Variants in PWWP3A observed in about 807,000 individuals in gnomAD.
The protein encoded by PWWP3A is PWWP domain-containing DNA repair factor 3A.
In PWWP3A, 53 loss-of-function variants were observed where a neutral mutation model predicts 79.0. That is an observed-to-expected ratio of 0.67 (90% CI 0.54 to 0.84). PWWP3A has a LOEUF of 0.84. Ranked by LOEUF, PWWP3A falls within the 40% of genes least tolerant of loss-of-function variation. The pLI is 0.00. For synonymous variants in PWWP3A, 443 were observed against 394.4 expected, an observed-to-expected ratio of 1.12 and a Z score of -1.46; for missense variants, 973 against 948.0, an observed-to-expected ratio of 1.03 and a Z score of -0.35.
chr19:1,357,966 G>T (rs762026967), intron 3 of PWWP3A: 1 of 165,244 alleles, frequency 6.1e-6, no homozygotes, highest in Non-Finnish European at 1.3e-5. Flanking sequence ...CTTTCCCTGC[G>T]GCTGGGAAGG....
chr19:1,375,378 T>A lies in PWWP3A; in HGVS notation c.2076-1141T>A, dbSNP rs556431990. On this transcript the variant is annotated intron_variant, in intron 13 of 13. Transcript: ENST00000591337. Reference sequence around the variant, plus strand: ...TTTCCAAACTACAGCTCTGTCCCCATCAAACAACTGCCCTCTCATATATAT... The same window carrying A: ...TTTCCAAACTACAGCTCTGTCCCCAACAAACAACTGCCCTCTCATATATAT... Among the ~76,000 whole-genome samples the A allele has an allele frequency of 3.2e-4, 46 of 143,840 alleles. 1 individual carries two copies. In the East Asian group the frequency reaches 8.7e-3, roughly 27 times the overall value. The allele number at this position is 143,840 out of a possible 152,430, so 94.4% of individuals were successfully genotyped here. A position where few individuals can be genotyped will look rare whatever the true frequency, so the allele number is the denominator to read the frequency against.
chr19:1,357,893 C>T (rs545105089), intron 3 of PWWP3A: 1 of 160,990 alleles, frequency 6.2e-6, no homozygotes, highest in African/African-American at 2.4e-5. Flanking sequence ...CTCCCCCTGC[C>T]CCACTCCCTC....
chr19:1,370,823 G>T lies in PWWP3A; in HGVS notation c.1731G>T (p.Glu577Asp). 1.9e-6 allele frequency: 3 copies of T among 1,572,478 alleles called. No individual in the cohort carries two copies. Among genetic ancestry groups the T allele is most frequent in the Non-Finnish European group, 1.7e-6 (2 of 1,158,958 alleles). The change falls in exon 12 of 14, where the codon GAG becomes GAT. Residue 577 changes from glutamate (E) to aspartate (D), a missense_variant. Coordinates refer to ENST00000591337, the MANE Select transcript of PWWP3A (RefSeq NM_001369789.1). ...ARDRANQKLV[E>D]YIVKAKGAES... ...ACCGGGCCAACCAGAAGCTGGTGGAGTACATTGTGAAGGCCAAGGGCGCGG... is the reference window on the plus strand; with the variant it reads ...ACCGGGCCAACCAGAAGCTGGTGGATTACATTGTGAAGGCCAAGGGCGCGG...
intron 6 of PWWP3A, among the ~76,000 whole-genome samples, chr19:1,363,208 C>T (rs548385823): frequency 1.3e-5 from 2 of 152,212 alleles, no homozygotes; most frequent in East Asian, 1.9e-4. Flanking sequence ...CTTGTTATGT[C>T]GTTCTTTTTT....
chr19:1,359,718 A>G (rs2081967152), intron 4 of PWWP3A: 1 of 155,930 alleles, frequency 6.4e-6, no homozygotes. Flanking sequence ...CAACCCCTGC[A>G]CCAACCAAGA....
chr19:1,364,419 G>C, intron 6 of PWWP3A, 90 bp from the exon 7 acceptor site: 1 of 912,766 alleles, frequency 1.1e-6, no homozygotes, highest in South Asian at 1.5e-5. Flanking sequence ...CGTGCTAACT[G>C]TGTTTTCTCA....
At position 1,368,807 on chromosome 19, in the gene PWWP3A, T is replaced by A. The variant is rs7250057; in HGVS notation, c.1423-458T>A. ...TGTGGCACAGTGGCCACAGGGGAGG[T>A]GTTTGCACCGTCGATGCGTTCAGAC... On this transcript the variant is annotated intron_variant, in intron 9 of 13. Transcript: ENST00000591337. This position sits in a 1 kb window ranked among gnomAD's most constrained non-coding sequence, Gnocchi z 4.7. Among the ~76,000 whole-genome samples, 134 of 151,978 alleles carry A rather than the reference T, an allele frequency of 8.8e-4. No homozygotes were observed. Among genetic ancestry groups the A allele is most frequent in the Non-Finnish European group, 1.8e-3 (123 of 67,948 alleles).
intron 5 of PWWP3A, chr19:1,361,982 G>C (rs1375980624): frequency 3.0e-6 from 1 of 329,854 alleles, no homozygotes. Flanking sequence ...TTCTGTGGCC[G>C]AGGTGGCTGC....
Position 1,371,084 on chromosome 19 carries a change from C to A in PWWP3A, c.1986+6C>A. On this transcript the variant is annotated splice_donor_region_variant and intron_variant, in intron 12 of 13. Coordinates refer to ENST00000591337, the MANE Select transcript of PWWP3A (RefSeq NM_001369789.1). ...TGGACGTGCTTCTGCCCGAGGTGAGCCGCGGACCGGCGTGTCACGTGGGCA... is the reference window on the plus strand; with the variant it reads ...TGGACGTGCTTCTGCCCGAGGTGAGACGCGGACCGGCGTGTCACGTGGGCA... 1 of 1,555,462 alleles carries A rather than the reference C, an allele frequency of 6.4e-7. No homozygotes were observed. The highest frequency in any genetic ancestry group is 1.9e-5 in the Admixed American group (1 of 51,814).
intron 7 of PWWP3A, 52 bp downstream of exon 7, chr19:1,364,631 A>G: frequency 7.8e-7 from 1 of 1,279,320 alleles, no homozygotes; most frequent in Non-Finnish European, 1.1e-6. Context: ...AATTTCATGA[A>G]TTTTTATTCC....
chr19:1,376,122 CTTT>C (rs764962400), intron 13 of PWWP3A, among the ~76,000 whole-genome samples: 12 of 107,642 alleles, frequency 1.1e-4, no homozygotes, highest in Non-Finnish European at 1.9e-4. Context: ...CTGTCATACT[CTTT>C]TTTTTTTTTT....
In PWWP3A at chr19:1,360,599, C is replaced by G. The variant is rs1208379769; in HGVS notation, c.678C>G (p.Ser226Arg). The G allele has an allele frequency of 6.2e-7, 1 of 1,614,176 alleles. No homozygotes were observed. The highest frequency in any genetic ancestry group is 8.5e-7 in the Non-Finnish European group (1 of 1,180,012). Reference sequence around the variant, plus strand: ...GAGGAAACTCAGCGCAGAAGGCTAGCTTGTGCCTGAATGGATCTTCCCTTT... The same window carrying G: ...GAGGAAACTCAGCGCAGAAGGCTAGGTTGTGCCTGAATGGATCTTCCCTTT... ...KRGGNSAQKA[S>R]LCLNGSSLSE... is the part of the protein sequence containing the mutation. Residue 226 changes from serine (S) to arginine (R), a missense_variant, in exon 5 of 14, where the codon AGC becomes AGG. Ser to Arg is a moderately radical substitution (Grantham distance 110). Transcript: ENST00000591337. The surrounding 1 kb of genome is among the most constrained non-coding windows in gnomAD (Gnocchi z 4.4).
chr19:1,364,195 A>G (rs370985767), intron 6 of PWWP3A: 180 of 564,036 alleles, frequency 3.2e-4, no homozygotes, highest in Non-Finnish European at 5.5e-4. Flanking sequence ...TCGCGCACAC[A>G]TAGGACAGAG....
intron 2 of PWWP3A, 136 bp downstream of exon 2, chr19:1,356,585 C>A: frequency 2.5e-6 from 2 of 787,434 alleles, no homozygotes; most frequent in South Asian, 1.8e-5. Flanking sequence ...GATTCTCGTT[C>A]CCCATTTAAT....
chr19:1,378,276 T>C lies in PWWP3A; in HGVS notation c.*1700T>C, dbSNP rs2082441240. 1 of 152,264 alleles carries C rather than the reference T, an allele frequency of 6.6e-6. No individual in the cohort carries two copies. Among genetic ancestry groups the C allele is most frequent in the African/African-American group, 2.4e-5 (1 of 41,464 alleles). The allele number at this position is 152,264 out of a possible 1,614,324, so 9.4% of individuals were successfully genotyped here. ...AAAATCCTCCGGAGCCGCCCTCCAT[T>C]GTGGGTTCCTGAGAGTAGGACACAT... On this transcript the variant is annotated 3_prime_UTR_variant, in exon 14 of 14. Transcript: ENST00000591337.
rs1227492510 is a variant in PWWP3A, at chr19:1,360,688, C to T, written c.767C>T (p.Pro256Leu). The T allele has an allele frequency of 6.2e-7, 1 of 1,613,402 alleles. No individual in the cohort carries two copies. The highest frequency in any genetic ancestry group is 1.3e-5 in the African/African-American group (1 of 75,058). Residue 256 changes from proline to leucine, a missense_variant, in exon 5 of 14, where the codon CCC becomes CTC. Pro to Leu is a moderately conservative substitution (Grantham distance 98). Transcript: ENST00000591337. The surrounding 1 kb of genome is among the most constrained non-coding windows in gnomAD (Gnocchi z 4.4). ...GGCAGCTGGGCAGCCCCGTCCTTGC[C>T]CTCCGGGGTCAGGGAGGACGATCCC... ...KGGSWAAPSL[P>L]SGVREDDPCA...
In PWWP3A at chr19:1,369,123, C is replaced by G; in HGVS notation, c.1423-142C>G. 2 of 697,596 alleles carry G rather than the reference C, an allele frequency of 2.9e-6. No homozygotes were observed. The highest frequency in any genetic ancestry group is 5.5e-5 in the East Asian group (2 of 36,452). The allele number at this position is 697,596 out of a possible 1,614,324, so 43.2% of individuals were successfully genotyped here. On this transcript the variant is annotated intron_variant, in intron 9 of 13. Transcript: ENST00000591337. The surrounding 1 kb of genome is among the most constrained non-coding windows in gnomAD (Gnocchi z 4.0). ...TGTGCGAGGCGTCTGCCAGAGCCCC[C>G]TTTGTCAGGGAGGGTCAGAGGTGCG...
rs1323360430 is a variant in PWWP3A, at chr19:1,378,097, G to A, written c.*1521G>A. On this transcript the variant is annotated 3_prime_UTR_variant, in exon 14 of 14. Transcript: ENST00000591337. ...CCGCACGCTGGGGTCTGTCTTGTCT[G>A]GAGCAGTGGGGCACACCCCGGAGGA... The A allele has an allele frequency of 6.6e-6, 1 of 152,264 alleles. No individual in the cohort carries two copies. The highest frequency in any genetic ancestry group is 1.5e-5 in the Non-Finnish European group (1 of 68,074). The allele number at this position is 152,264 out of a possible 1,614,324, so 9.4% of individuals were successfully genotyped here. A position where few individuals can be genotyped will look rare whatever the true frequency, so the allele number is the denominator to read the frequency against.
intron 11 of PWWP3A, 134 bp from the exon 12 acceptor site, chr19:1,370,508 G>A (rs1407865822): frequency 2.8e-5 from 22 of 779,638 alleles, no homozygotes; most frequent in Non-Finnish European, 3.9e-5. Flanking sequence ...CTCCACTCCC[G>A]TGCTAACACG....
Sources: gnomAD v4.1 joint callset for allele counts (sites outside exome capture counted in the v4.1 genomes callset) on GRCh38, gnomAD v4.1.1 for gene constraint, Gnocchi (gnomAD v3.1) non-coding constraint, MANE v1.5 for transcripts, NCBI Gene and HGNC (gene_info 2026-07-23, HGNC 2026-07-21) for gene names.